The following MYB variants were observed in gnomAD, a reference collection of about 807,000 sequenced individuals.
MYB encodes the protein MYB proto-oncogene, transcription factor.
In MYB, 28 loss-of-function variants were observed where a neutral mutation model predicts 92.9. The observed-to-expected ratio is 0.30, with a 90% CI of 0.22 to 0.41. The LOEUF is 0.41. MYB is among the 10% of genes least tolerant of loss of function. MYB has a pLI of 1.00. For synonymous variants in MYB, 295 were observed against 329.1 expected, an observed-to-expected ratio of 0.90 and a Z score of 1.12; for missense variants, 679 against 929.3, an observed-to-expected ratio of 0.73 and a Z score of 3.50.
chr6:135,184,322 CTTTT>C lies in MYB; in HGVS notation c.24-1561_24-1558del. On this transcript the variant is annotated intron_variant, in intron 1 of 15. Transcript: ENST00000341911. The stretch of plus-strand genomic sequence containing the variant: ...AGACTTACACCTCTGGGCTTTATAG[CTTTT>C]TTTTTTTTTTTTTTTTTTTGCTTTA... Among the ~76,000 whole-genome samples the C allele has an allele frequency of 7.6e-3, 522 of 68,418 alleles. 2 individuals carry two copies. The highest frequency in any genetic ancestry group is 0.029 in the African/African-American group (487 of 16,894). 44.9% of individuals were successfully genotyped at this position (68,418 alleles called of 152,430 possible).
intron 15 of MYB, among the ~76,000 whole-genome samples, chr6:135,212,504 G>A (rs1779883949): frequency 6.6e-6 from 1 of 151,958 alleles, no homozygotes; most frequent in African/African-American, 2.4e-5. Flanking sequence ...ACAAAAGATG[G>A]CAATATTTAT....
chr6:135,209,806 A>T (rs1779468264), intron 15 of MYB, among the ~76,000 whole-genome samples: 2 of 152,206 alleles, frequency 1.3e-5, no homozygotes, highest in Non-Finnish European at 2.9e-5. Flanking sequence ...TGTTTTTCAT[A>T]TTTGTGTCTT....
In MYB at chr6:135,181,416, CG is replaced by C. The variant is rs1775015363; in HGVS notation, c.-97del. On this transcript the variant is annotated 5_prime_UTR_variant, in exon 1 of 16. Transcript: ENST00000341911. This position sits in a 1 kb window ranked among gnomAD's most constrained non-coding sequence, Gnocchi z 5.3. ...GCCCCAGCGGTGCGGAGCGCCGCTG[CG>C]CAGCCGGGGAGGGACGCAGGCAGGC... 1 of 864,062 alleles carries C rather than the reference CG, an allele frequency of 1.2e-6. No homozygotes were observed. Among genetic ancestry groups the C allele is most frequent in the African/African-American group, 1.8e-5 (1 of 54,778 alleles). 53.5% of individuals were successfully genotyped at this position (864,062 alleles called of 1,614,324 possible). A position where few individuals can be genotyped will look rare whatever the true frequency, so the allele number is the denominator to read the frequency against.
intron 15 of MYB, among the ~76,000 whole-genome samples, chr6:135,206,225 A>AAATAATAAT (rs1269845019): frequency 2.1e-5 from 2 of 96,658 alleles, no homozygotes; most frequent in African/African-American, 8.3e-5. Flanking sequence ...AAAAAAAAAA[A>AAATAATAAT]AATAATAATA....
intron 11 of MYB, chr6:135,199,660 T>C: frequency 1.9e-6 from 1 of 513,112 alleles, no homozygotes; most frequent in Non-Finnish European, 2.6e-6. Context: ...TCAGAAACCT[T>C]GAAAAGAAAT....
chr6:135,190,270 G>C lies in MYB; in HGVS notation c.450G>C (p.Glu150Asp). Residue 150 changes from glutamate to aspartate, a missense_variant, in exon 5 of 16, where the codon GAG becomes GAC. Physicochemically the swap from Glu to Asp is conservative, Grantham distance 45. This residue lies in a region of MYB where 37 missense variants were observed against 98.0 expected (regional missense o/e 0.38). Transcript: ENST00000341911. This position sits in a 1 kb window ranked among gnomAD's most constrained non-coding sequence, Gnocchi z 4.5. Reference protein sequence around the residue: ...PEVKKTSWTEEEDRIIYQAHK... With the variant: ...PEVKKTSWTEDEDRIIYQAHK... ...TTAAGAAAACCTCCTGGACAGAAGA[G>C]GAAGACAGAATTATTTACCAGGCAC... 3 of 1,614,176 alleles carry C rather than the reference G, an allele frequency of 1.9e-6. No homozygotes were observed. Among genetic ancestry groups the C allele is most frequent in the Non-Finnish European group, 2.5e-6 (3 of 1,180,018 alleles).
chr6:135,211,263 C>T (rs1031776947), intron 15 of MYB, among the ~76,000 whole-genome samples: 2 of 150,656 alleles, frequency 1.3e-5, no homozygotes, highest in African/African-American at 2.5e-5. Flanking sequence ...CTTTTTTCCA[C>T]TTACCCTGGC....
Position 135,191,411 on chromosome 6 carries a change from A to G in MYB, c.528-913A>G, listed in dbSNP as rs947846681. Among the ~76,000 whole-genome samples the G allele has an allele frequency of 2.6e-5, 4 of 152,334 alleles. No homozygotes were observed. The South Asian group carries it at 6.2e-4, about 24-fold the overall frequency. ...AAAAATAGTTTTATTCTTGAGCTTCATAATCCAGGAGAAAGTTTATATAGT... is the reference window on the plus strand; with the variant it reads ...AAAAATAGTTTTATTCTTGAGCTTCGTAATCCAGGAGAAAGTTTATATAGT... On this transcript the variant is annotated intron_variant, in intron 5 of 15. Coordinates refer to ENST00000341911, the MANE Select transcript of MYB (RefSeq NM_001130173.2).
rs1447584921 is a variant in MYB at position 135,182,513 on chromosome 6, C to T, written c.23+977C>T. On this transcript the variant is annotated intron_variant, in intron 1 of 15. Coordinates refer to ENST00000341911, the MANE Select transcript of MYB (RefSeq NM_001130173.2). This position sits in a 1 kb window ranked among gnomAD's most constrained non-coding sequence, Gnocchi z 5.6. ...CTGCCGCGCAACCGGGACGCGATCC[C>T]CGCGGGCTCTGCCCCCAGGCGAAAG... Among the ~76,000 whole-genome samples, 1 of 152,228 alleles carries T rather than the reference C, an allele frequency of 6.6e-6. No homozygotes were observed. The highest frequency in any genetic ancestry group is 1.5e-5 in the Non-Finnish European group (1 of 68,022).
In MYB at chr6:135,213,703, G is replaced by A. The variant is rs116470678; in HGVS notation, c.2170-4161G>A. Among the ~76,000 whole-genome samples the A allele has an allele frequency of 4.1e-3, 621 of 152,136 alleles. 4 individuals carry two copies. Among genetic ancestry groups the A allele is most frequent in the African/African-American group, 0.014 (600 of 41,496 alleles). On this transcript the variant is annotated intron_variant, in intron 15 of 15. Transcript: ENST00000341911. Reference sequence around the variant, plus strand: ...TTGAGACTAGCCTGTGCAACACAGCGAGACCCTGTCTCTACCAAAAATACA... The same window carrying A: ...TTGAGACTAGCCTGTGCAACACAGCAAGACCCTGTCTCTACCAAAAATACA...
chr6:135,181,647 C>A lies in MYB; in HGVS notation c.23+111C>A. 1.3e-6 allele frequency: 1 copy of A among 780,052 alleles called. No individual in the cohort carries two copies. Among genetic ancestry groups the A allele is most frequent in the South Asian group, 6.1e-5 (1 of 16,300 alleles). The allele number at this position is 780,052 out of a possible 1,614,324, so 48.3% of individuals were successfully genotyped here. ...GTTCCGGGATCATCTGAGGGGCTGT[C>A]AGACCCTCCGAGGACCTGGAGCCCC... On this transcript the variant is annotated intron_variant, in intron 1 of 15. Coordinates refer to ENST00000341911, the MANE Select transcript of MYB (RefSeq NM_001130173.2). The surrounding 1 kb of genome is among the most constrained non-coding windows in gnomAD (Gnocchi z 5.3).
chr6:135,192,427 G>A lies in MYB; in HGVS notation c.631G>A (p.Ala211Thr). 6.2e-7 allele frequency: 1 copy of A among 1,614,218 alleles called. No homozygotes were observed. ...TTCAAAAGCCAGCCAGCCAGCAGTG[G>A]CCACAAGCTTCCAGAAGAACAGTCA... ...ESSKASQPAV[A>T]TSFQKNSHLM... Residue 211 changes from alanine (A) to threonine (T), a missense_variant, in exon 6 of 16, where the codon GCC (alanine) becomes ACC (threonine). Ala to Thr is a moderately conservative substitution (Grantham distance 58). Around this residue, in one of 8 missense-constraint regions of MYB, gnomAD observed 37 missense variants for 98.0 expected, o/e 0.38. Coordinates refer to ENST00000341911, the MANE Select transcript of MYB (RefSeq NM_001130173.2).
At chr6:135,214,318 G>A (rs1208811888) in intron 15 of MYB, among the ~76,000 whole-genome samples, 1 of 151,598 alleles carries the variant, frequency 6.6e-6, no homozygotes, top group Non-Finnish European at 1.5e-5. Context: ...ATTGATTGAA[G>A]CCCAGCTAAA....
Position 135,217,953 on chromosome 6 carries a change from A to G in MYB, c.2259A>G (p.Ala753=), listed in dbSNP as rs772254175. The change falls in exon 16 of 16, where the codon GCA becomes GCG. Residue 753 remains alanine (A), a synonymous_variant. Coordinates refer to ENST00000341911, the MANE Select transcript of MYB (RefSeq NM_001130173.2). ...GTCAAGCTCGTAAATACGTGAATGC[A>G]TTCTCAGCCCGGACGCTGGTCATGT... The part of the protein sequence containing the change: ...SSSQARKYVN[A]FSARTLVM 12 of 1,611,766 alleles carry G rather than the reference A, an allele frequency of 7.4e-6. No individual in the cohort carries two copies. Among genetic ancestry groups the G allele is most frequent in the East Asian group, 2.2e-5 (1 of 44,872 alleles).
In MYB at chr6:135,194,554, G is replaced by A. The variant is rs1235212191; in HGVS notation, c.948+94G>A. The A allele has an allele frequency of 4.7e-6, 4 of 844,844 alleles. No individual in the cohort carries two copies. In the East Asian group the frequency reaches 1.0e-4, roughly 21 times the overall value. The allele number at this position is 844,844 out of a possible 1,614,324, so 52.3% of individuals were successfully genotyped here. A position where few individuals can be genotyped will look rare whatever the true frequency, so the allele number is the denominator to read the frequency against. ...TCTTCTAAATATTACACTTAGCAAGGCTCCATATATCCATTCAGAATGTCT... is the reference window on the plus strand; with the variant it reads ...TCTTCTAAATATTACACTTAGCAAGACTCCATATATCCATTCAGAATGTCT... On this transcript the variant is annotated intron_variant, in intron 8 of 15. Coordinates refer to ENST00000341911, the MANE Select transcript of MYB (RefSeq NM_001130173.2).
At position 135,216,399 on chromosome 6, in the gene MYB, C is replaced by T. The variant is rs1456548707; in HGVS notation, c.2170-1465C>T. ...GGATGTATTGCATAGTGGTCAAAGT[C>T]GAGGCTGTGAGTGTATTTATCGTTG... On this transcript the variant is annotated intron_variant, in intron 15 of 15. Transcript: ENST00000341911. Among the ~76,000 whole-genome samples the T allele has an allele frequency of 4.6e-5, 7 of 152,076 alleles. No homozygotes were observed. The South Asian group carries it at 6.2e-4, about 14-fold the overall frequency.
rs866661134 is a variant in MYB, at chr6:135,203,814, C to G, written c.2169+490C>G. On this transcript the variant is annotated intron_variant, in intron 15 of 15. Transcript: ENST00000341911. ...TATTTGACTGTCAGAATAAGAAAGT[C>G]AACTGTCAATGTTGTGAGGCCGATC... 4.7e-6 allele frequency: 6 copies of G among 1,282,292 alleles called. No individual in the cohort carries two copies. The Middle Eastern group carries it at 1.1e-3, about 232-fold the overall frequency. The allele number at this position is 1,282,292 out of a possible 1,614,324, so 79.4% of individuals were successfully genotyped here.
intron 2 of MYB, among the ~76,000 whole-genome samples, chr6:135,186,860 A>T (rs937631411): frequency 6.6e-6 from 1 of 152,250 alleles, no homozygotes; most frequent in African/African-American, 2.4e-5. Context: ...CTAATTTTAG[A>T]TGATTCATGT....
In MYB at chr6:135,190,622, G is replaced by T. The variant is rs1432008919; in HGVS notation, c.527+275G>T. 6.6e-6 allele frequency among the ~76,000 whole-genome samples: 1 copy of T among 152,140 alleles called. No homozygotes were observed. Among genetic ancestry groups the T allele is most frequent in the Non-Finnish European group, 1.5e-5 (1 of 68,028 alleles). ...CCAAAATGAATCATACAGGGCCAGT[G>T]TTAGGATCAAGTAAAATGAATGTCA... On this transcript the variant is annotated intron_variant, in intron 5 of 15. Transcript: ENST00000341911. The surrounding 1 kb of genome is among the most constrained non-coding windows in gnomAD (Gnocchi z 4.5).
Sources: allele counts gnomAD v4.1 joint callset (sites outside exome capture counted in the v4.1 genomes callset), GRCh38; gene constraint gnomAD v4.1.1; regional missense constraint gnomAD v4.1.1; non-coding constraint Gnocchi (gnomAD v3.1); transcripts MANE v1.5; gene names NCBI Gene and HGNC (gene_info 2026-07-23, HGNC 2026-07-21).